The following MYO1H variants were observed in gnomAD, a reference collection of about 807,000 sequenced individuals.
MYO1H encodes the protein unconventional myosin-Ih.
Under a neutral mutation model 149.3 loss-of-function variants are expected in MYO1H, and 118 were observed. The observed-to-expected ratio is 0.79, with a 90% CI of 0.68 to 0.92. MYO1H has a LOEUF of 0.92. MYO1H is among the 40% of genes least tolerant of loss of function. MYO1H has a pLI of 0.00. For synonymous variants in MYO1H, 447 were observed against 465.2 expected (o/e 0.96, Z 0.50); for missense variants, 1,212 against 1,280.7 (o/e 0.95, Z 0.82).
intron 1 of MYO1H, among the ~76,000 whole-genome samples, chr12:109,369,820 C>A (rs1407266275): frequency 6.6e-6 from 1 of 152,166 alleles, no homozygotes; most frequent in Non-Finnish European, 1.5e-5. Context: ...CATTTTCATG[C>A]TGCTGATAAA....
At chr12:109,319,285 G>A in the MYO1H span, among the ~76,000 whole-genome samples, 1 of 152,100 alleles carries the variant, frequency 6.6e-6, no homozygotes, top group African/African-American at 2.4e-5. Context: ...GAGCATGGAT[G>A]AACTTTGAAG....
At chr12:109,427,554 A>C in exon 19 of MYO1H, 5 of 1,612,816 alleles carry the variant, frequency 3.1e-6, no homozygotes, top group Non-Finnish European at 4.2e-6. Context: ...CTGGTTTTGC[A>C]TACCGAAGGA....
exon 1 of MYO1H, chr12:109,347,940 C>T: frequency 2.5e-6 from 1 of 399,006 alleles, no homozygotes. Flanking sequence ...TTGTTAACAA[C>T]CTGCTCTCCC....
At chr12:109,443,639 A>G (rs572045993) in exon 28 of MYO1H, 3 of 1,613,794 alleles carry the variant, frequency 1.9e-6, no homozygotes, top group Middle Eastern at 1.6e-4. Flanking sequence ...TAGAGTACTC[A>G]GCTCTCAAAG....
At chr12:109,387,503 C>T (rs182603018) in intron 1 of MYO1H, among the ~76,000 whole-genome samples, 10 of 152,356 alleles carry the variant, frequency 6.6e-5, no homozygotes, top group South Asian at 2.1e-4. Flanking sequence ...ACCAACTGCA[C>T]GCTTTAGGCA....
chr12:109,319,090 T>G, the MYO1H span, among the ~76,000 whole-genome samples: 1 of 145,276 alleles, frequency 6.9e-6, no homozygotes, highest in Non-Finnish European at 1.5e-5. Context: ...CCCAAAACAA[T>G]GGAAAGCAGG....
In MYO1H at chr12:109,435,068, C is replaced by G. The variant is rs757163360; in HGVS notation, c.2095C>G (p.Leu699Val). The stretch of plus-strand genomic sequence containing the variant: ...AATATTCATTCGTTTCCCCAGAACT[C>G]TGTTTGCTACCGAAGATGCCTTTGA... Residue 699 changes from leucine (L) to valine (V), a missense_variant, in exon 21 of 32, where the codon CTG becomes GTG. Coordinates refer to ENST00000310903, the Ensembl canonical transcript of MYO1H. 15 of 1,609,306 alleles carry G rather than the reference C, an allele frequency of 9.3e-6. No homozygotes were observed. Among genetic ancestry groups the G allele is most frequent in the Middle Eastern group, 1.6e-4 (1 of 6,074 alleles).
intron 31 of MYO1H, among the ~76,000 whole-genome samples, chr12:109,446,672 G>A (rs1872493082): frequency 6.6e-6 from 1 of 152,202 alleles, no homozygotes; most frequent in Non-Finnish European, 1.5e-5. Context: ...GCTGAGGCAG[G>A]AGAATTGCTT....
intron 9 of MYO1H, 151 bp from the exon 10 acceptor site, chr12:109,407,643 C>T: frequency 1.5e-6 from 1 of 646,900 alleles, no homozygotes; most frequent in Non-Finnish European, 2.4e-6. Context: ...GTGGTGGGCA[C>T]CTGTAGTCCC....
At chr12:109,353,491 G>A (rs1868512184) in intron 1 of MYO1H, among the ~76,000 whole-genome samples, 1 of 150,834 alleles carries the variant, frequency 6.6e-6, no homozygotes, top group Non-Finnish European at 1.5e-5. Flanking sequence ...AATTCTAGAT[G>A]TTTCAAATCT....
At chr12:109,359,027 C>T (rs2075435) in intron 1 of MYO1H, among the ~76,000 whole-genome samples, 57,381 of 151,664 alleles carry the variant, frequency 0.38, 11,124 homozygotes, top group Admixed American at 0.49. Context: ...GCAAGTGTTT[C>T]AAACTCTTGT....
chr12:109,383,986 G>C (rs1869256112), intron 1 of MYO1H, among the ~76,000 whole-genome samples: 1 of 152,230 alleles, frequency 6.6e-6, no homozygotes, highest in Admixed American at 6.5e-5. Context: ...AACCATCCAA[G>C]ACAAAGAGTG....
chr12:109,393,279 C>A (rs1346626454), intron 2 of MYO1H, 52 bp from the exon 3 acceptor site: 2 of 1,077,716 alleles, frequency 1.9e-6, no homozygotes, highest in African/African-American at 1.6e-5. Flanking sequence ...TCATGTGTGA[C>A]AGTCTTTTGC....
At chr12:109,447,623 T>C (rs957083337) in exon 32 of MYO1H, 1 of 199,106 alleles carries the variant, frequency 5.0e-6, no homozygotes, top group African/African-American at 2.3e-5. Flanking sequence ...CTGGGTGGAG[T>C]CTGTATGTTC....
intron 1 of MYO1H, among the ~76,000 whole-genome samples, chr12:109,383,511 G>A (rs534635729): frequency 6.6e-6 from 1 of 152,334 alleles, no homozygotes; most frequent in Non-Finnish European, 1.5e-5. Context: ...AGTCTACTGT[G>A]GGTGTTGATG....
chr12:109,393,584 C>T (rs1455447844), intron 3 of MYO1H, 138 bp downstream of exon 3: 7 of 643,932 alleles, frequency 1.1e-5, no homozygotes, highest in Non-Finnish European at 2.0e-5. Context: ...TCCGCCCACC[C>T]ATCCATTCAT....
At chr12:109,383,950 C>CTGCT (rs1869255125) in intron 1 of MYO1H, among the ~76,000 whole-genome samples, 1 of 152,178 alleles carries the variant, frequency 6.6e-6, no homozygotes. Flanking sequence ...CTTGAATCCC[C>CTGCT]TGCTTTTAGA....
chr12:109,417,184 T>G (rs1277619497), intron 15 of MYO1H, among the ~76,000 whole-genome samples: 2 of 152,058 alleles, frequency 1.3e-5, no homozygotes, highest in Non-Finnish European at 2.9e-5. Flanking sequence ...ATAAAAAATA[T>G]ATATGTTAAC....
At chr12:109,377,147 T>G (rs147155965) in intron 1 of MYO1H, among the ~76,000 whole-genome samples, 9 of 152,324 alleles carry the variant, frequency 5.9e-5, no homozygotes, top group Admixed American at 2.0e-4. Context: ...CAGTTTCCAC[T>G]CATGTTCCCT....
Sources: gnomAD v4.1 joint callset for allele counts (sites outside exome capture counted in the v4.1 genomes callset) on GRCh38, gnomAD v4.1.1 for gene constraint, MANE v1.5 for transcripts, NCBI Gene and HGNC (gene_info 2026-07-23, HGNC 2026-07-21) for gene names.